Variants in CCDC159 observed in about 807,000 individuals in gnomAD.
CCDC159 encodes the protein coiled-coil domain containing 159, also known as coiled-coil domain-containing protein 159.
CCDC159 carries 40 observed loss-of-function variants against 50.9 expected under a neutral mutation model. The ratio of observed to expected loss-of-function variants is 0.79; its 90% CI spans 0.61 to 1.02. The LOEUF (loss-of-function observed/expected upper bound fraction) is 1.02. Ranked by LOEUF, CCDC159 falls within the 50% of genes least tolerant of loss-of-function variation. CCDC159 has a pLI of 0.00. For synonymous variants in CCDC159, 146 were observed against 138.9 expected (o/e 1.05, Z -0.36); for missense variants, 356 against 371.5 (o/e 0.96, Z 0.34).
chr19:11,350,090 C>T (rs776366540), intron 3 of CCDC159, 28 bp from the exon 4 acceptor site: 7 of 1,612,662 alleles, frequency 4.3e-6, no homozygotes, highest in Non-Finnish European at 5.9e-6. Context: ...TCCTTCCTCC[C>T]ACCCCAAGGC....
chr19:11,353,608 C>T (rs2144648638), intron 8 of CCDC159, 36 bp downstream of exon 8: 1 of 1,605,562 alleles, frequency 6.2e-7, no homozygotes, highest in Non-Finnish European at 8.5e-7. Context: ...CCTGACCCTC[C>T]TCTGAACCCG....
At chr19:11,346,685 C>T (rs555253746) in intron 1 of CCDC159, 58 bp downstream of exon 1, 1 of 1,530,126 alleles carries the variant, frequency 6.5e-7, no homozygotes, top group Non-Finnish European at 8.8e-7. Context: ...ACCCAGGGGG[C>T]GGAGCCAGGA....
intron 1 of CCDC159, chr19:11,349,213 A>G: frequency 3.8e-6 from 5 of 1,302,568 alleles, no homozygotes; most frequent in Non-Finnish European, 5.1e-6. Flanking sequence ...CCACCCGGGA[A>G]ACCCCTTCAA....
Position 11,350,873 on chromosome 19 carries a change from C to T in CCDC159, c.292C>T (p.Arg98Trp), listed in dbSNP as rs557635896. 58 of 1,551,812 alleles carry T rather than the reference C, an allele frequency of 3.7e-5. 1 individual carries two copies. In the Admixed American group the frequency reaches 7.1e-4, roughly 19 times the overall value. Residue 98 changes from arginine (R) to tryptophan (W), a missense_variant, in exon 5 of 11, where the codon CGG becomes TGG. Arg to Trp is a moderately radical substitution (Grantham distance 101). Transcript: ENST00000458408. ...EEHKWGMEQG[R>W]QELYGALTQG... ...GCACAAGTGGGGCATGGAGCAGGGC[C>T]GGCAGGAGCTGTATGGGGCCCTGAC...
At chr19:11,347,688 C>G (rs536379225) in intron 1 of CCDC159, among the ~76,000 whole-genome samples, 1 of 152,156 alleles carries the variant, frequency 6.6e-6, no homozygotes, top group Non-Finnish European at 1.5e-5. Flanking sequence ...GGCAGAGGGC[C>G]TGGCAAGGGT....
intron 1 of CCDC159, chr19:11,348,124 G>A: frequency 2.2e-6 from 1 of 456,538 alleles, no homozygotes; most frequent in South Asian, 1.5e-5. Context: ...ACACCTCCAA[G>A]CTTTTGCACA....
At position 11,354,646 on chromosome 19, in the gene CCDC159, A is replaced by C; in HGVS notation, c.839A>C (p.Gln280Pro). Reference sequence around the variant, plus strand: ...TGGGACTCTGACTCCGACTGTGACCAGGACCTCTCCCAGCCACCTTTCAGC... The same window carrying C: ...TGGGACTCTGACTCCGACTGTGACCCGGACCTCTCCCAGCCACCTTTCAGC... Reference protein sequence around the residue: ...PSWDSDSDCDQDLSQPPFSKS... With the variant: ...PSWDSDSDCDPDLSQPPFSKS... The change falls in exon 10 of 11, where the codon CAG (glutamine) becomes CCG (proline). Residue 280 changes from glutamine to proline, a missense_variant. Coordinates refer to ENST00000458408, the MANE Select transcript of CCDC159 (RefSeq NM_001080503.3). The C allele has an allele frequency of 6.2e-7, 1 of 1,606,586 alleles. No homozygotes were observed. Among genetic ancestry groups the C allele is most frequent in the Non-Finnish European group, 8.5e-7 (1 of 1,176,504 alleles).
In CCDC159 at chr19:11,350,890, G is replaced by A. The variant is rs769357709; in HGVS notation, c.309G>A (p.Gly103=). The part of the protein sequence containing the change: ...GMEQGRQELY[G]ALTQGLQGLE... ...AGCAGGGCCGGCAGGAGCTGTATGGGGCCCTGACCCAAGGCCTTCAGGGGC... is the reference window on the plus strand; with the variant it reads ...AGCAGGGCCGGCAGGAGCTGTATGGAGCCCTGACCCAAGGCCTTCAGGGGC... The change falls in exon 5 of 11, where the codon GGG becomes GGA. Residue 103 remains glycine (G), a synonymous_variant. Coordinates refer to ENST00000458408, the MANE Select transcript of CCDC159 (RefSeq NM_001080503.3). The A allele has an allele frequency of 5.2e-6, 8 of 1,552,434 alleles. No individual in the cohort carries two copies. Among genetic ancestry groups the A allele is most frequent in the Non-Finnish European group, 7.0e-6 (8 of 1,147,996 alleles).
rs778084696 is a variant in CCDC159 at position 11,350,205 on chromosome 19, G to C, written c.226+6G>C. On this transcript the variant is annotated splice_donor_region_variant and intron_variant, in intron 4 of 10. Coordinates refer to ENST00000458408, the MANE Select transcript of CCDC159 (RefSeq NM_001080503.3). ...CAAGATTCAGCAGCTTGAAGGTGAG[G>C]ACTGACCAGAGATCAAGGTCAGGCT... 6.2e-7 allele frequency: 1 copy of C among 1,607,378 alleles called. No homozygotes were observed. Among genetic ancestry groups the C allele is most frequent in the African/African-American group, 1.3e-5 (1 of 74,958 alleles).
intron 10 of CCDC159, 49 bp from the exon 11 acceptor site, chr19:11,354,824 G>A (rs374355333): frequency 1.9e-5 from 30 of 1,612,286 alleles, no homozygotes; most frequent in African/African-American, 2.7e-5. Context: ...CTGCAGCCCC[G>A]GAGTCCCCTG....
At position 11,349,942 on chromosome 19, in the gene CCDC159, GA is replaced by G; in HGVS notation, c.61del (p.Thr21ProfsTer3). The G allele has an allele frequency of 6.2e-7, 1 of 1,613,712 alleles. No homozygotes were observed. The highest frequency in any genetic ancestry group is 8.5e-7 in the Non-Finnish European group (1 of 1,179,808). On this transcript the variant is annotated frameshift_variant, in exon 3 of 11. Coordinates refer to ENST00000458408, the MANE Select transcript of CCDC159 (RefSeq NM_001080503.3). LOFTEE classifies it high-confidence loss of function. Reference sequence around the variant, plus strand: ...CACCCTCTTCTCTGCCCACAGCCAAGACCATTGTGATGATTCCCGACTCCCA... The same window carrying G: ...CACCCTCTTCTCTGCCCACAGCCAAGCCATTGTGATGATTCCCGACTCCCA... ...ETSSSKVKAK[T>X]IVMIPDSQKL...
intron 1 of CCDC159, among the ~76,000 whole-genome samples, chr19:11,347,530 A>G (rs963217405): frequency 2.0e-5 from 3 of 152,242 alleles, no homozygotes; most frequent in East Asian, 1.9e-4. Context: ...GGGTTTCTCC[A>G]TGTTGGCCAG....
chr19:11,349,499 A>G, intron 1 of CCDC159, 155 bp from the exon 2 acceptor site: 1 of 885,234 alleles, frequency 1.1e-6, no homozygotes, highest in Non-Finnish European at 1.8e-6. Flanking sequence ...GAGGTGCATG[A>G]ATATGCCTGG....
chr19:11,348,234 C>T (rs1967375343), intron 1 of CCDC159: 3 of 441,666 alleles, frequency 6.8e-6, no homozygotes, highest in Non-Finnish European at 1.3e-5. Flanking sequence ...TTGGGGCCTT[C>T]TGGGTCCTTC....
At chr19:11,354,460 ACATT>A (rs1599393214) in intron 9 of CCDC159, 116 bp from the exon 10 acceptor site, 5 of 927,412 alleles carry the variant, frequency 5.4e-6, no homozygotes, top group Non-Finnish European at 8.0e-6. Context: ...ACACTGGATC[ACATT>A]CAAGGGAATT....
In CCDC159 at chr19:11,346,519, GACTC is replaced by G. The variant is rs1884758924; in HGVS notation, c.-86_-83del. On this transcript the variant is annotated 5_prime_UTR_variant, in exon 1 of 11. Coordinates refer to ENST00000458408, the MANE Select transcript of CCDC159 (RefSeq NM_001080503.3). ...AAATGCCGGCCACACCCCTCTCTGT[GACTC>G]AGTCTCTGAGCGTTTTAATACGATG... 6.7e-7 allele frequency: 1 copy of G among 1,482,314 alleles called. No individual in the cohort carries two copies. The highest frequency in any genetic ancestry group is 1.4e-5 in the African/African-American group (1 of 71,624). The allele number at this position is 1,482,314 out of a possible 1,614,324, so 91.8% of individuals were successfully genotyped here. A position where few individuals can be genotyped will look rare whatever the true frequency, so the allele number is the denominator to read the frequency against.
Position 11,353,159 on chromosome 19 carries a change from G to T in CCDC159, c.568-292G>T, listed in dbSNP as rs1033996283. Among the ~76,000 whole-genome samples the T allele has an allele frequency of 2.8e-4, 43 of 152,016 alleles. 1 individual carries two copies. The highest frequency in any genetic ancestry group is 2.6e-3 in the Admixed American group (40 of 15,246). On this transcript the variant is annotated intron_variant, in intron 7 of 10. Coordinates refer to ENST00000458408, the MANE Select transcript of CCDC159 (RefSeq NM_001080503.3). ...CTTGTTGCCCAGGCTGGAGTGCAAT[G>T]GCGCGATCTCAACTCACTGCAACCT...
rs1967757752 is a variant in CCDC159, at chr19:11,354,317, G to A, written c.773-263G>A. 1.3e-5 allele frequency among the ~76,000 whole-genome samples: 2 copies of A among 152,062 alleles called. 1 individual carries two copies. Among genetic ancestry groups the A allele is most frequent in the South Asian group, 4.1e-4 (2 of 4,822 alleles). On this transcript the variant is annotated intron_variant, in intron 9 of 10. Coordinates refer to ENST00000458408, the MANE Select transcript of CCDC159 (RefSeq NM_001080503.3). ...AGACAGGAGGATCGCTTGAGCCTGC[G>A]AGGTTGAGGCTGCAGTGAGCCATAA...
intron 1 of CCDC159, chr19:11,348,902 C>T (rs1281871280): frequency 8.6e-7 from 1 of 1,162,002 alleles, no homozygotes; most frequent in Non-Finnish European, 1.2e-6. Context: ...GCTGGGGACA[C>T]TGGGAGGGGC....
Sources: gnomAD v4.1 joint callset for allele counts (sites outside exome capture counted in the v4.1 genomes callset) on GRCh38, gnomAD v4.1.1 for gene constraint, MANE v1.5 for transcripts, NCBI Gene and HGNC (gene_info 2026-07-23, HGNC 2026-07-21) for gene names.